The following RPS6KA2 variants were observed in gnomAD, a reference collection of about 807,000 sequenced individuals.
The protein encoded by RPS6KA2 is ribosomal protein S6 kinase alpha-2.
RPS6KA2 carries 42 observed loss-of-function variants against 91.8 expected under a neutral mutation model. That is an observed-to-expected ratio of 0.46 (90% CI 0.36 to 0.59). The LOEUF (loss-of-function observed/expected upper bound fraction) is 0.59. RPS6KA2 is among the 20% of genes least tolerant of loss of function. The pLI, the probability that RPS6KA2 is intolerant of heterozygous loss-of-function variation, is 0.00. For missense variants in RPS6KA2, 798 were observed against 978.5 expected, an observed-to-expected ratio of 0.82 and a Z score of 2.46; for synonymous variants, 414 against 393.6, an observed-to-expected ratio of 1.05 and a Z score of -0.61.
At position 166,412,140 on chromosome 6, in the gene RPS6KA2, G is replaced by T. The variant is rs1778325932; in HGVS notation, c.*622C>A. 1 of 152,664 alleles carries T rather than the reference G, an allele frequency of 6.6e-6. No homozygotes were observed. Among genetic ancestry groups the T allele is most frequent in the South Asian group, 2.1e-4 (1 of 4,830 alleles). 9.5% of individuals were successfully genotyped at this position (152,664 alleles called of 1,614,324 possible). A position where few individuals can be genotyped will look rare whatever the true frequency, so the allele number is the denominator to read the frequency against. ...GGCTCTTACTCCTCATTTGAATCTG[G>T]GACAGAGGAAAGGATGGGCTACCCA... On this transcript the variant is annotated 3_prime_UTR_variant, in exon 21 of 21. Transcript: ENST00000265678. This position sits in a 1 kb window ranked among gnomAD's most constrained non-coding sequence, Gnocchi z 4.3.
At chr6:166,462,450 T>C (rs1345271161) in intron 11 of RPS6KA2, among the ~76,000 whole-genome samples, 1 of 152,162 alleles carries the variant, frequency 6.6e-6, no homozygotes, top group Non-Finnish European at 1.5e-5. Context: ...GCCTTCTAAG[T>C]CAGATTCACA....
rs867287715 is a variant in RPS6KA2 at position 166,748,710 on chromosome 6, A to G, written c.123+109490T>C. 4.0e-3 allele frequency among the ~76,000 whole-genome samples: 53 copies of G among 13,228 alleles called. 3 individuals are homozygous for G. Among genetic ancestry groups the G allele is most frequent in the African/African-American group, 0.017 (27 of 1,568 alleles). 8.7% of individuals were successfully genotyped at this position (13,228 alleles called of 152,430 possible). A position where few individuals can be genotyped will look rare whatever the true frequency, so the allele number is the denominator to read the frequency against. ...CATTTCCTCAGGCCCCCACCTCCTC[A>G]GGCCCCCATCTCCTCAGGCCCCCAT... On this transcript the variant is annotated intron_variant, in intron 2 of 21. Transcript: ENST00000503859.
chr6:166,430,590 C>G lies in RPS6KA2; in HGVS notation c.1444G>C (p.Val482Leu). 6.2e-7 allele frequency: 1 copy of G among 1,613,756 alleles called. No individual in the cohort carries two copies. The highest frequency in any genetic ancestry group is 8.5e-7 in the Non-Finnish European group (1 of 1,179,794). Residue 482 changes from valine to leucine, a missense_variant, in exon 16 of 21, where the codon GTG becomes CTG. Physicochemically the swap from Val to Leu is conservative, Grantham distance 32. Coordinates refer to ENST00000265678, the MANE Select transcript of RPS6KA2 (RefSeq NM_021135.6). ...LKDVYDDGKF[V>L]YLVMELMRGG... Reference sequence around the variant, plus strand: ...CGCATCAGCTCCATTACCAGGTACACAAACTTGCCATCATCATAGACCTGC... The same window carrying G: ...CGCATCAGCTCCATTACCAGGTACAGAAACTTGCCATCATCATAGACCTGC...
chr6:166,541,026 C>T (rs1044983783), intron 1 of RPS6KA2, among the ~76,000 whole-genome samples: 28 of 152,200 alleles, frequency 1.8e-4, no homozygotes, highest in Admixed American at 9.8e-4. Context: ...ACACTGTCCT[C>T]GCAATGGGTC....
chr6:166,802,377 A>G (rs1288215559), intron 2 of RPS6KA2, among the ~76,000 whole-genome samples: 1 of 152,220 alleles, frequency 6.6e-6, no homozygotes, highest in African/African-American at 2.4e-5. Context: ...TTATTCATTC[A>G]AGGAAAAAAA....
chr6:166,592,619 T>A (rs572868038), intron 1 of RPS6KA2, among the ~76,000 whole-genome samples: 1 of 151,100 alleles, frequency 6.6e-6, no homozygotes, highest in Non-Finnish European at 1.5e-5. Context: ...CCCGGATTGA[T>A]GAGAGGGACA....
chr6:166,729,800 T>C (rs1465939465), intron 2 of RPS6KA2, among the ~76,000 whole-genome samples: 1 of 152,206 alleles, frequency 6.6e-6, no homozygotes, highest in Admixed American at 6.5e-5. Flanking sequence ...ATCAAAGTAC[T>C]AGTTTTCTTA....
chr6:166,475,397 ACATTG>A (rs932650876), intron 10 of RPS6KA2, among the ~76,000 whole-genome samples: 1 of 152,058 alleles, frequency 6.6e-6, no homozygotes, highest in Non-Finnish European at 1.5e-5. Flanking sequence ...AGGCATGGGG[ACATTG>A]CAGAGTCACA....
At chr6:166,498,798 T>C (rs1309094681) in intron 7 of RPS6KA2, 148 bp from the exon 8 acceptor site, 22 of 1,039,534 alleles carry the variant, frequency 2.1e-5, no homozygotes, top group South Asian at 3.0e-5. Context: ...CGGGACCATG[T>C]GAGTGCTTCC....
intron 2 of RPS6KA2, among the ~76,000 whole-genome samples, chr6:166,691,189 C>T (rs976171440): frequency 2.0e-5 from 3 of 152,260 alleles, no homozygotes; most frequent in Admixed American, 6.5e-5. Flanking sequence ...CTGAAAATTA[C>T]GGCCCCGGGT....
intron 11 of RPS6KA2, among the ~76,000 whole-genome samples, chr6:166,461,424 G>C (rs1184769854): frequency 1.3e-5 from 2 of 151,760 alleles, no homozygotes; most frequent in African/African-American, 4.8e-5. Context: ...AGTCCTGAGA[G>C]CCGGGCTATT....
intron 2 of RPS6KA2, among the ~76,000 whole-genome samples, chr6:166,637,646 A>T (rs1031743606): frequency 5.9e-5 from 9 of 152,242 alleles, no homozygotes; most frequent in Non-Finnish European, 1.2e-4. Flanking sequence ...GTTGTCCAAG[A>T]GTGGGAAGAA....
chr6:166,545,852 T>C (rs1783808563), intron 1 of RPS6KA2, among the ~76,000 whole-genome samples: 1 of 152,228 alleles, frequency 6.6e-6, no homozygotes, highest in African/African-American at 2.4e-5. Flanking sequence ...GACTGACAGA[T>C]GGAGCGCCGC....
At chr6:166,550,767 C>T (rs951540780) in intron 1 of RPS6KA2, among the ~76,000 whole-genome samples, 17 of 152,042 alleles carry the variant, frequency 1.1e-4, no homozygotes, top group Non-Finnish European at 1.5e-4. Flanking sequence ...CTTTGGGAGG[C>T]CAAGGCGGTC....
chr6:166,735,044 C>A (rs1397301503), intron 2 of RPS6KA2, among the ~76,000 whole-genome samples: 1 of 152,166 alleles, frequency 6.6e-6, no homozygotes, highest in African/African-American at 2.4e-5. Flanking sequence ...TGAATTATAT[C>A]ATTCACAAAA....
Position 166,849,381 on chromosome 6 carries a change from G to C in RPS6KA2, c.123+8819C>G, listed in dbSNP as rs80121163. Among the ~76,000 whole-genome samples the C allele has an allele frequency of 6.6e-6, 1 of 152,142 alleles. No individual in the cohort carries two copies. Among genetic ancestry groups the C allele is most frequent in the African/African-American group, 2.4e-5 (1 of 41,418 alleles). Reference sequence around the variant, plus strand: ...CTTGTTGAGCTAGTTGTTTATTTGCGAGGATGCTAAAATATAAGATTCGTG... The same window carrying C: ...CTTGTTGAGCTAGTTGTTTATTTGCCAGGATGCTAAAATATAAGATTCGTG... On this transcript the variant is annotated intron_variant, in intron 2 of 21. Transcript: ENST00000503859. This position sits in a 1 kb window ranked among gnomAD's most constrained non-coding sequence, Gnocchi z 4.9.
chr6:166,638,863 G>A (rs1227450889), intron 2 of RPS6KA2, among the ~76,000 whole-genome samples: 1 of 152,190 alleles, frequency 6.6e-6, no homozygotes, highest in Non-Finnish European at 1.5e-5. Context: ...AAAAATGTCA[G>A]TAGTTTCTGT....
chr6:166,533,997 C>A lies in RPS6KA2; in HGVS notation c.217-2684G>T, dbSNP rs538513158. On this transcript the variant is annotated intron_variant, in intron 2 of 20. Coordinates refer to ENST00000265678, the MANE Select transcript of RPS6KA2 (RefSeq NM_021135.6). The surrounding 1 kb of genome is among the most constrained non-coding windows in gnomAD (Gnocchi z 4.0). ...CAGCACTTTGGGAGGCCGAGGCGGG[C>A]GGATCACGAGGTCAGGAGATTGAGA... Among the ~76,000 whole-genome samples, 3 of 151,834 alleles carry A rather than the reference C, an allele frequency of 2.0e-5. No individual in the cohort carries two copies. Among genetic ancestry groups the A allele is most frequent in the Admixed American group, 6.6e-5 (1 of 15,260 alleles).
chr6:166,644,908 G>A (rs1208889912), intron 2 of RPS6KA2, among the ~76,000 whole-genome samples: 2 of 152,202 alleles, frequency 1.3e-5, no homozygotes, highest in African/African-American at 2.4e-5. Flanking sequence ...TGGTGAAGGA[G>A]GAAACAGAGA....
Sources: gnomAD v4.1 joint callset for allele counts (sites outside exome capture counted in the v4.1 genomes callset) on GRCh38, gnomAD v4.1.1 for gene constraint, Gnocchi (gnomAD v3.1) non-coding constraint, MANE v1.5 for transcripts, NCBI Gene and HGNC (gene_info 2026-07-23, HGNC 2026-07-21) for gene names.